Variants in PSD3 observed in about 807,000 individuals in gnomAD.
The protein encoded by PSD3 is PH and SEC7 domain-containing protein 3.
A neutral mutation model predicts 105.5 loss-of-function variants in PSD3; 49 were observed. The ratio of observed to expected loss-of-function variants is 0.46; its 90% CI spans 0.37 to 0.59. The LOEUF (loss-of-function observed/expected upper bound fraction) is 0.59, where lower values mean the gene tolerates loss of function less well. Among genes scored for constraint, PSD3 ranks in the 20% least tolerant of loss-of-function variants. PSD3 has a pLI of 0.00. For missense variants in PSD3, 1,561 were observed against 1,263.8 expected (o/e 1.24, Z -3.57); for synonymous variants, 557 against 457.8 (o/e 1.22, Z -2.77).
intron 2 of PSD3, among the ~76,000 whole-genome samples, chr8:18,934,929 C>T (rs1822008561): frequency 6.6e-6 from 1 of 152,192 alleles, no homozygotes; most frequent in Non-Finnish European, 1.5e-5. Flanking sequence ...CTTGTACCTC[C>T]TTCTAGGAAA....
chr8:18,825,134 T>C (rs553067521), intron 4 of PSD3, among the ~76,000 whole-genome samples: 21 of 152,320 alleles, frequency 1.4e-4, no homozygotes, highest in African/African-American at 4.8e-4. Context: ...AACTTATGTG[T>C]GTATTAGAAC....
At chr8:18,878,573 A>G (rs960410638) in intron 2 of PSD3, among the ~76,000 whole-genome samples, 1 of 152,182 alleles carries the variant, frequency 6.6e-6, no homozygotes, top group African/African-American at 2.4e-5. Context: ...ATAGACATAC[A>G]CACGCTCCTT....
intron 9 of PSD3, among the ~76,000 whole-genome samples, chr8:18,739,435 C>T (rs551535446): frequency 6.6e-6 from 1 of 152,132 alleles, no homozygotes. Flanking sequence ...GTGCCTTTGT[C>T]TGGACTCTAT....
intron 1 of PSD3, among the ~76,000 whole-genome samples, chr8:19,029,452 C>T (rs773142299): frequency 6.6e-6 from 1 of 152,168 alleles, no homozygotes; most frequent in Non-Finnish European, 1.5e-5. Context: ...CATTGAATCA[C>T]AGTTCAGCAT....
At chr8:18,894,852 A>G (rs972151935) in intron 2 of PSD3, among the ~76,000 whole-genome samples, 1 of 152,200 alleles carries the variant, frequency 6.6e-6, no homozygotes, top group African/African-American at 2.4e-5. Flanking sequence ...AGGTCTGAGG[A>G]GACATCCGGA....
At chr8:18,623,188 G>A (rs1374297093) in intron 11 of PSD3, among the ~76,000 whole-genome samples, 4 of 151,804 alleles carry the variant, frequency 2.6e-5, no homozygotes, top group Admixed American at 1.3e-4. Flanking sequence ...TCTGGTCACC[G>A]TTTTCTGTCG....
At chr8:18,721,979 C>G (rs1037690974) in intron 9 of PSD3, among the ~76,000 whole-genome samples, 1 of 152,046 alleles carries the variant, frequency 6.6e-6, no homozygotes. Flanking sequence ...AGTGTGATGA[C>G]TAACAACACA....
intron 10 of PSD3, among the ~76,000 whole-genome samples, chr8:18,648,195 G>A (rs1334384988): frequency 6.6e-6 from 1 of 152,212 alleles, no homozygotes; most frequent in Non-Finnish European, 1.5e-5. Flanking sequence ...TTGGAAGAGT[G>A]TGGATGGCTC....
At chr8:18,592,110 C>T (rs146833476) in intron 12 of PSD3, among the ~76,000 whole-genome samples, 20 of 152,120 alleles carry the variant, frequency 1.3e-4, no homozygotes, top group African/African-American at 4.3e-4. Flanking sequence ...TAAGAATTAC[C>T]TGCATAAACA....
intron 9 of PSD3, among the ~76,000 whole-genome samples, chr8:18,694,822 G>A (rs372652056): frequency 6.0e-5 from 9 of 150,854 alleles, no homozygotes; most frequent in Non-Finnish European, 1.0e-4. Context: ...TATCTCCACT[G>A]AAAAAAAAAA....
At chr8:18,962,511 T>A (rs1171554324) in intron 1 of PSD3, among the ~76,000 whole-genome samples, 1 of 152,090 alleles carries the variant, frequency 6.6e-6, no homozygotes, top group Non-Finnish European at 1.5e-5. Context: ...GGAAAAAAAA[T>A]GGCAAACTAT....
intron 11 of PSD3, among the ~76,000 whole-genome samples, chr8:18,615,276 C>T (rs114806890): frequency 6.6e-6 from 1 of 152,114 alleles, no homozygotes; most frequent in South Asian, 2.1e-4. Flanking sequence ...CCTGCTCTGC[C>T]CTGACTCCTG....
chr8:18,840,904 C>G (rs1247540648), intron 4 of PSD3, among the ~76,000 whole-genome samples: 1 of 152,170 alleles, frequency 6.6e-6, no homozygotes, highest in Non-Finnish European at 1.5e-5. Flanking sequence ...TGTCTTACTT[C>G]CTCGAGATCA....
Position 18,527,867 on chromosome 8 carries a change from G to C in PSD3, c.*7876C>G, listed in dbSNP as rs564321505. The C allele has an allele frequency of 6.6e-6, 1 of 152,228 alleles. No homozygotes were observed. The highest frequency in any genetic ancestry group is 2.4e-5 in the African/African-American group (1 of 41,430). 9.4% of individuals were successfully genotyped at this position (152,228 alleles called of 1,614,324 possible). A position where few individuals can be genotyped will look rare whatever the true frequency, so the allele number is the denominator to read the frequency against. On this transcript the variant is annotated 3_prime_UTR_variant, in exon 16 of 16. Coordinates refer to ENST00000327040, the MANE Select transcript of PSD3 (RefSeq NM_015310.4). ...CCGACAGTTTCGCCATTGAAAAGGAGCAGGCTGCTATTTTGTCACTAATTA... is the reference window on the plus strand; with the variant it reads ...CCGACAGTTTCGCCATTGAAAAGGACCAGGCTGCTATTTTGTCACTAATTA...
intron 4 of PSD3, among the ~76,000 whole-genome samples, chr8:18,862,041 A>G (rs957685595): frequency 1.3e-5 from 2 of 152,200 alleles, no homozygotes; most frequent in Non-Finnish European, 2.9e-5. Context: ...ACTTCTGTCC[A>G]TGGCCGAGTG....
At chr8:18,546,279 G>T (rs2130030373) in intron 15 of PSD3, among the ~76,000 whole-genome samples, 1 of 152,330 alleles carries the variant, frequency 6.6e-6, no homozygotes, top group East Asian at 1.9e-4. Context: ...TTACAGGCGT[G>T]AGCCACCGTG....
At chr8:19,069,290 C>T (rs36110451) in intron 1 of PSD3, among the ~76,000 whole-genome samples, 58,393 of 152,002 alleles carry the variant, frequency 0.38, 12,101 homozygotes, top group Non-Finnish European at 0.47. Context: ...CCCTGGCCTA[C>T]AAAAGCTGAG....
In PSD3 at chr8:18,585,782, C is replaced by A. The variant is rs540944667; in HGVS notation, c.2482-10497G>T. Among the ~76,000 whole-genome samples the A allele has an allele frequency of 9.1e-4, 138 of 152,240 alleles. 2 individuals carry two copies. Among genetic ancestry groups the A allele is most frequent in the Non-Finnish European group, 1.0e-4 (7 of 68,028 alleles). ...GTATTTAATCATTTCTTTATATCAA[C>A]CATGCAACATCATTTCCCCTCATTT... is the stretch of plus-strand genomic sequence containing the variant. On this transcript the variant is annotated intron_variant, in intron 12 of 15. Coordinates refer to ENST00000327040, the MANE Select transcript of PSD3 (RefSeq NM_015310.4).
intron 2 of PSD3, among the ~76,000 whole-genome samples, chr8:18,932,911 C>G (rs1306199288): frequency 6.6e-6 from 1 of 152,240 alleles, no homozygotes; most frequent in Non-Finnish European, 1.5e-5. Flanking sequence ...CCAAGTTCAA[C>G]TTCCACCTCC....
Sources: gnomAD v4.1 joint callset for allele counts (sites outside exome capture counted in the v4.1 genomes callset) on GRCh38, gnomAD v4.1.1 for gene constraint, MANE v1.5 for transcripts, NCBI Gene and HGNC (gene_info 2026-07-23, HGNC 2026-07-21) for gene names.